The following GLS variants were observed in gnomAD, a reference collection of about 807,000 sequenced individuals.
GLS encodes the protein glutaminase kidney isoform, mitochondrial.
A neutral mutation model predicts 86.7 loss-of-function variants in GLS; 36 were observed. The ratio of observed to expected loss-of-function variants is 0.42; its 90% CI spans 0.32 to 0.55. The LOEUF is 0.55. Among genes scored for constraint, GLS ranks in the 20% least tolerant of loss-of-function variants. GLS has a pLI of 0.17. For synonymous variants in GLS, 317 were observed against 305.9 expected, an observed-to-expected ratio of 1.04 and a Z score of -0.38; for missense variants, 528 against 833.4, an observed-to-expected ratio of 0.63 and a Z score of 4.51.
intron 6 of GLS, among the ~76,000 whole-genome samples, chr2:190,909,474 C>G (rs1192446820): frequency 6.6e-6 from 1 of 152,086 alleles, no homozygotes; most frequent in African/African-American, 2.4e-5. Flanking sequence ...CCCTTCTCCC[C>G]CCTCCCCCAC....
At chr2:190,957,735 C>A (rs1440848782) in intron 17 of GLS, among the ~76,000 whole-genome samples, 1 of 152,174 alleles carries the variant, frequency 6.6e-6, no homozygotes, top group South Asian at 2.1e-4. Flanking sequence ...GTTGAACCAG[C>A]CTTGCATCCC....
At chr2:190,940,854 G>A (rs533384234) in intron 14 of GLS, among the ~76,000 whole-genome samples, 1 of 151,270 alleles carries the variant, frequency 6.6e-6, no homozygotes, top group East Asian at 1.9e-4. Context: ...CTATATAAAT[G>A]AAAATGTATA....
chr2:190,920,394 C>CG lies in GLS; in HGVS notation c.1039-630_1039-629insG, dbSNP rs1689692302. Reference sequence around the variant, plus strand: ...TGAATTGGCATAATGCTAAATACAACAGAAGCTAATTTTTTAGAGACTGTG... The same window carrying CG: ...TGAATTGGCATAATGCTAAATACAACGAGAAGCTAATTTTTTAGAGACTGTG... On this transcript the variant is annotated intron_variant, in intron 7 of 17. Coordinates refer to ENST00000320717, the MANE Select transcript of GLS (RefSeq NM_014905.5). The surrounding 1 kb of genome is among the most constrained non-coding windows in gnomAD (Gnocchi z 4.2). The CG allele has an allele frequency of 1.3e-5, 2 of 151,784 alleles. No homozygotes were observed. The highest frequency in any genetic ancestry group is 6.6e-5 in the Admixed American group (1 of 15,240). The allele number at this position is 151,784 out of a possible 1,614,324, so 9.4% of individuals were successfully genotyped here. A position where few individuals can be genotyped will look rare whatever the true frequency, so the allele number is the denominator to read the frequency against.
chr2:190,933,464 G>C (rs1574607887), intron 14 of GLS: 2 of 858,392 alleles, frequency 2.3e-6, no homozygotes, highest in Non-Finnish European at 2.8e-6. Flanking sequence ...TTTATCAAAT[G>C]CTTTAAAATA....
At position 190,955,613 on chromosome 2, in the gene GLS, G is replaced by A. The variant is rs2124951237; in HGVS notation, c.1853+795G>A. Among the ~76,000 whole-genome samples, 1 of 152,282 alleles carries A rather than the reference G, an allele frequency of 6.6e-6. No homozygotes were observed. The highest frequency in any genetic ancestry group is 1.9e-4 in the East Asian group (1 of 5,184). On this transcript the variant is annotated intron_variant, in intron 17 of 17. Transcript: ENST00000320717. This position sits in a 1 kb window ranked among gnomAD's most constrained non-coding sequence, Gnocchi z 5.6. ...TACATGTGCATGTGTCTTTATAGTAGAATGATTTATAATCTTTTGGGTATA... is the reference window on the plus strand; with the variant it reads ...TACATGTGCATGTGTCTTTATAGTAAAATGATTTATAATCTTTTGGGTATA...
In GLS at chr2:190,965,377, G is replaced by C. The variant is rs1284671779; in HGVS notation, c.*2391G>C. The C allele has an allele frequency of 6.6e-6, 1 of 152,574 alleles. No individual in the cohort carries two copies. The highest frequency in any genetic ancestry group is 1.5e-5 in the Non-Finnish European group (1 of 68,030). The allele number at this position is 152,574 out of a possible 1,614,324, so 9.5% of individuals were successfully genotyped here. A position where few individuals can be genotyped will look rare whatever the true frequency, so the allele number is the denominator to read the frequency against. On this transcript the variant is annotated 3_prime_UTR_variant, in exon 18 of 18. Coordinates refer to ENST00000320717, the MANE Select transcript of GLS (RefSeq NM_014905.5). This position sits in a 1 kb window ranked among gnomAD's most constrained non-coding sequence, Gnocchi z 5.0. Reference sequence around the variant, plus strand: ...ACTGAATGACCTGATGTCAGATTTAGATTCTTCCTGGGGATTACACAGCTA... The same window carrying C: ...ACTGAATGACCTGATGTCAGATTTACATTCTTCCTGGGGATTACACAGCTA...
rs1253804791 is a variant in GLS at position 190,881,062 on chromosome 2, C to T, written c.-23C>T. ...GCCCGGAGCATCCTCCCCTGTTGAG[C>T]GGGCGCTGACGGACCCGGCGGCATG... is the stretch of plus-strand genomic sequence containing the variant. On this transcript the variant is annotated 5_prime_UTR_variant, in exon 1 of 18. Transcript: ENST00000320717. The T allele has an allele frequency of 1.3e-6, 2 of 1,539,936 alleles. No homozygotes were observed. The highest frequency in any genetic ancestry group is 1.2e-5 in the South Asian group (1 of 84,162).
In GLS at chr2:190,881,502, G is replaced by C. The variant is rs147276225; in HGVS notation, c.386+32G>C. 2.4e-3 allele frequency: 3,642 copies of C among 1,529,512 alleles called. 40 individuals are homozygous for C. In the East Asian group the frequency reaches 0.032, roughly 14 times the overall value. The allele number at this position is 1,529,512 out of a possible 1,614,324, so 94.7% of individuals were successfully genotyped here. On this transcript the variant is annotated intron_variant, in intron 1 of 17. Transcript: ENST00000320717. ...GTCTCCGCGAGGCGCAGGAGGCCTC[G>C]TTCCTTTCGGGGCCCGGGCTCAGGC... is the stretch of plus-strand genomic sequence containing the variant.
Position 190,905,561 on chromosome 2 carries a change from ATATAGTAGTTGAAAGTTT to A in GLS, c.979+398_979+415del, listed in dbSNP as rs1229708977. On this transcript the variant is annotated intron_variant, in intron 6 of 17. Coordinates refer to ENST00000320717, the MANE Select transcript of GLS (RefSeq NM_014905.5). This position sits in a 1 kb window ranked among gnomAD's most constrained non-coding sequence, Gnocchi z 4.6. The stretch of plus-strand genomic sequence containing the variant: ...TATATTATTCTATCTATTATATTGT[ATATAGTAGTTGAAAGTTT>A]TATTGTGGCCCTGGTTGAGATAGTG... Among the ~76,000 whole-genome samples the A allele has an allele frequency of 1.3e-5, 2 of 152,112 alleles. No individual in the cohort carries two copies. Among genetic ancestry groups the A allele is most frequent in the Non-Finnish European group, 2.9e-5 (2 of 67,954 alleles).
chr2:190,905,294 G>T lies in GLS; in HGVS notation c.979+127G>T. The T allele has an allele frequency of 1.6e-6, 1 of 618,854 alleles. No homozygotes were observed. Among genetic ancestry groups the T allele is most frequent in the East Asian group, 2.8e-5 (1 of 35,242 alleles). 38.3% of individuals were successfully genotyped at this position (618,854 alleles called of 1,614,324 possible). A position where few individuals can be genotyped will look rare whatever the true frequency, so the allele number is the denominator to read the frequency against. On this transcript the variant is annotated intron_variant, in intron 6 of 17. Coordinates refer to ENST00000320717, the MANE Select transcript of GLS (RefSeq NM_014905.5). This position sits in a 1 kb window ranked among gnomAD's most constrained non-coding sequence, Gnocchi z 4.6. ...TCATGTGATTTCTATATAATCCATTGAGAGAGTTTCATCACCTACTTTTAA... is the reference window on the plus strand; with the variant it reads ...TCATGTGATTTCTATATAATCCATTTAGAGAGTTTCATCACCTACTTTTAA...
chr2:190,904,880 C>T, intron 5 of GLS, 124 bp from the exon 6 acceptor site: 2 of 655,242 alleles, frequency 3.1e-6, no homozygotes, highest in Non-Finnish European at 5.4e-6. Context: ...TTGACATAAA[C>T]TTGTGGTTGA....
rs553996388 is a variant in GLS, at chr2:190,881,026, C to G, written c.-59C>G. The G allele has an allele frequency of 3.3e-6, 5 of 1,511,412 alleles. No homozygotes were observed. The South Asian group carries it at 6.0e-5, about 18-fold the overall frequency. 93.6% of individuals were successfully genotyped at this position (1,511,412 alleles called of 1,614,324 possible). A position where few individuals can be genotyped will look rare whatever the true frequency, so the allele number is the denominator to read the frequency against. ...CACAGACCGCGTTCCCCGAGGAAACCGGCCGCCCACGCCCGGAGCATCCTC... is the reference window on the plus strand; with the variant it reads ...CACAGACCGCGTTCCCCGAGGAAACGGGCCGCCCACGCCCGGAGCATCCTC... On this transcript the variant is annotated 5_prime_UTR_variant, in exon 1 of 18. Transcript: ENST00000320717.
rs533370721 is a variant in GLS at position 190,963,896 on chromosome 2, T to G, written c.*910T>G. 2 of 151,914 alleles carry G rather than the reference T, an allele frequency of 1.3e-5. No individual in the cohort carries two copies. The highest frequency in any genetic ancestry group is 4.8e-5 in the African/African-American group (2 of 41,318). The allele number at this position is 151,914 out of a possible 1,614,324, so 9.4% of individuals were successfully genotyped here. A position where few individuals can be genotyped will look rare whatever the true frequency, so the allele number is the denominator to read the frequency against. ...CGAAGGGATGTGCAACTGCAGCTCT[T>G]TAAGAAGTTTTTTTTTTTTAGCTTC... On this transcript the variant is annotated 3_prime_UTR_variant, in exon 18 of 18. Coordinates refer to ENST00000320717, the MANE Select transcript of GLS (RefSeq NM_014905.5).
chr2:190,952,830 C>T (rs777984130), intron 14 of GLS, among the ~76,000 whole-genome samples: 1 of 152,192 alleles, frequency 6.6e-6, no homozygotes, highest in Non-Finnish European at 1.5e-5. Context: ...TTTATGAAAG[C>T]AGACCAAAAT....
At chr2:190,941,160 G>A (rs1690416732) in intron 14 of GLS, among the ~76,000 whole-genome samples, 1 of 152,138 alleles carries the variant, frequency 6.6e-6, no homozygotes, top group Non-Finnish European at 1.5e-5. Flanking sequence ...TGGTTAATGA[G>A]ACAAGTATGA....
Position 190,880,912 on chromosome 2 carries a change from G to GCACCAGCAGCAGCAGCAGCAGCAGCAC in GLS, c.-171_-170insCCAGCAGCAGCAGCAGCAGCAGCACCA, listed in dbSNP as rs1235084114. 23 of 946,726 alleles carry GCACCAGCAGCAGCAGCAGCAGCAGCAC rather than the reference G, an allele frequency of 2.4e-5. 1 individual carries two copies. The highest frequency in any genetic ancestry group is 2.0e-4 in the South Asian group (14 of 70,572). The allele number at this position is 946,726 out of a possible 1,614,324, so 58.6% of individuals were successfully genotyped here. On this transcript the variant is annotated 5_prime_UTR_variant, in exon 1 of 18. Transcript: ENST00000320717. ...AGCAGCAGCAGCAGCAGCAGCAGCAGCAGCAGCACCCGCATCCGCTGCGGG... is the reference window on the plus strand; with the variant it reads ...AGCAGCAGCAGCAGCAGCAGCAGCAGCACCAGCAGCAGCAGCAGCAGCAGCACCAGCAGCACCCGCATCCGCTGCGGG...
In GLS at chr2:190,881,328, G is replaced by A. The variant is rs2125967557; in HGVS notation, c.244G>A (p.Glu82Lys). The A allele has an allele frequency of 1.3e-6, 2 of 1,525,584 alleles. No homozygotes were observed. The highest frequency in any genetic ancestry group is 4.0e-5 in the Admixed American group (2 of 49,624). 94.5% of individuals were successfully genotyped at this position (1,525,584 alleles called of 1,614,324 possible). ...CAGCTCTCCTTCGGAGATCTTGCAG[G>A]AGCTGGGCAAGGGGAGCACGCATCC... is the stretch of plus-strand genomic sequence containing the variant. The part of the protein sequence containing the change: ...LSSSPSEILQ[E>K]LGKGSTHPQP... The change falls in exon 1 of 18, where the codon GAG becomes AAG. Residue 82 changes from glutamate (E) to lysine (K), a missense_variant. Coordinates refer to ENST00000320717, the MANE Select transcript of GLS (RefSeq NM_014905.5).
chr2:190,896,541 G>A (rs1688747921), intron 3 of GLS: 1 of 152,146 alleles, frequency 6.6e-6, no homozygotes, highest in African/African-American at 2.4e-5. Flanking sequence ...TGTTATGTAT[G>A]GTTGTATTTA....
chr2:190,948,714 A>C (rs187300928), intron 14 of GLS, among the ~76,000 whole-genome samples: 24 of 152,324 alleles, frequency 1.6e-4, no homozygotes, highest in African/African-American at 5.3e-4. Flanking sequence ...CCATGTGGTC[A>C]TGTGTTATAG....
Sources: allele counts gnomAD v4.1 joint callset (sites outside exome capture counted in the v4.1 genomes callset), GRCh38; gene constraint gnomAD v4.1.1; non-coding constraint Gnocchi (gnomAD v3.1); transcripts MANE v1.5; gene names NCBI Gene and HGNC (gene_info 2026-07-23, HGNC 2026-07-21).